SORBS3: variants seen among roughly 807,000 people sequenced by gnomAD.
SORBS3 encodes vinexin.
A neutral mutation model predicts 98.0 loss-of-function variants in SORBS3; 69 were observed. The observed-to-expected ratio is 0.70, with a 90% CI of 0.58 to 0.86. The LOEUF is 0.86. Among genes scored for constraint, SORBS3 ranks in the 40% least tolerant of loss-of-function variants. The probability of loss-of-function intolerance (pLI) is 0.00; values close to 1 mark genes in which losing one functional copy is unlikely to be tolerated. For missense variants in SORBS3, 954 were observed against 908.5 expected, an observed-to-expected ratio of 1.05 and a Z score of -0.64; for synonymous variants, 394 against 355.4, an observed-to-expected ratio of 1.11 and a Z score of -1.22.
chr8:22,554,514 GC>G lies in SORBS3; in HGVS notation c.11del (p.Pro4HisfsTer23), dbSNP rs774264751. On this transcript the variant is annotated frameshift_variant, in exon 2 of 21. Transcript: ENST00000240123. LOFTEE classifies it high-confidence loss of function. This position sits in a 1 kb window ranked among gnomAD's most constrained non-coding sequence, Gnocchi z 6.5. The stretch of plus-strand genomic sequence containing the variant: ...TCCCACCTTGACCCAAGCATGCAGG[GC>G]CCACCCCGCAGCCTCCGCGCTGGGC... MQ[G>X]PPRSLRAGLS... 33 of 1,611,502 alleles carry G rather than the reference GC, an allele frequency of 2.0e-5. No homozygotes were observed. The highest frequency in any genetic ancestry group is 2.8e-5 in the Non-Finnish European group (33 of 1,179,746).
At chr8:22,565,544 A>C (rs1019417444) in intron 11 of SORBS3, 190 bp downstream of exon 11, 1 of 571,706 alleles carries the variant, frequency 1.7e-6, no homozygotes, top group Non-Finnish European at 2.6e-6. Context: ...CAGGGCGTCG[A>C]CTTTCGCAAG....
At chr8:22,571,298 T>C in intron 18 of SORBS3, 77 bp downstream of exon 18, 1 of 822,290 alleles carries the variant, frequency 1.2e-6, no homozygotes, top group Non-Finnish European at 1.9e-6. Context: ...TTGTCCACAC[T>C]TGGGACTCCT....
upstream of SORBS3, among the ~76,000 whole-genome samples, chr8:22,551,101 C>A (rs1220942716): frequency 6.6e-6 from 1 of 152,204 alleles, no homozygotes. The surrounding 1 kb of genome is among the most constrained non-coding windows in gnomAD (Gnocchi z 5.8). Context: ...TCTGGGAACA[C>A]CAAGACCCTC....
chr8:22,548,900 A>T (rs1180508698), upstream of SORBS3, among the ~76,000 whole-genome samples: 1 of 152,060 alleles, frequency 6.6e-6, no homozygotes, highest in Non-Finnish European at 1.5e-5. Context: ...TTTCAGAGTG[A>T]CCCGCATTCC....
chr8:22,554,663 G>T lies in SORBS3; in HGVS notation c.102+55G>T. 3 of 1,540,666 alleles carry T rather than the reference G, an allele frequency of 1.9e-6. No homozygotes were observed. Among genetic ancestry groups the T allele is most frequent in the South Asian group, 1.2e-5 (1 of 83,442 alleles). On this transcript the variant is annotated intron_variant, in intron 2 of 20. Coordinates refer to ENST00000240123, the MANE Select transcript of SORBS3 (RefSeq NM_005775.5). The surrounding 1 kb of genome is among the most constrained non-coding windows in gnomAD (Gnocchi z 6.5). ...CTGCGGGCCCGGAGTTGGTTGGGAC[G>T]CTAGCAGGTCAGGTGGGGGCAGGAG... is the stretch of plus-strand genomic sequence containing the variant.
rs376710466 is a variant in SORBS3, at chr8:22,572,454, G to A, written c.1954+8G>A. ...ACGATGGCTGGTTTGTGGGTATGTGGGCAGGCCGGGAGGGGGCATCTCAGG... is the reference window on the plus strand; with the variant it reads ...ACGATGGCTGGTTTGTGGGTATGTGAGCAGGCCGGGAGGGGGCATCTCAGG... On this transcript the variant is annotated splice_region_variant and intron_variant, in intron 20 of 20. Coordinates refer to ENST00000240123, the MANE Select transcript of SORBS3 (RefSeq NM_005775.5). The A allele has an allele frequency of 5.6e-6, 9 of 1,608,938 alleles. No individual in the cohort carries two copies. The highest frequency in any genetic ancestry group is 7.7e-6 in the Non-Finnish European group (9 of 1,175,868).
chr8:22,573,238 G>C, intron 20 of SORBS3: 1 of 438,498 alleles, frequency 2.3e-6, no homozygotes. Context: ...CCTTCTAGTG[G>C]GGGAGGGAGG....
chr8:22,568,829 T>A (rs1481022207), intron 16 of SORBS3, among the ~76,000 whole-genome samples: 1 of 152,200 alleles, frequency 6.6e-6, no homozygotes, highest in East Asian at 1.9e-4. Flanking sequence ...ACGCCTCATT[T>A]TCTTCTGTGG....
intron 20 of SORBS3, among the ~76,000 whole-genome samples, chr8:22,573,853 C>G (rs73549903): frequency 1.3e-5 from 2 of 152,182 alleles, no homozygotes; most frequent in African/African-American, 2.4e-5. Flanking sequence ...CTATATTTCT[C>G]CATTCCCTCT....
chr8:22,564,933 C>A lies in SORBS3; in HGVS notation c.817-335C>A, dbSNP rs1840373681. ...CTGGATGGGCACAGTGAAGCCAGGC[C>A]TTGGAGGGCGGGAGAAGATGGGAGA... is the stretch of plus-strand genomic sequence containing the variant. On this transcript the variant is annotated intron_variant, in intron 10 of 20. Coordinates refer to ENST00000240123, the MANE Select transcript of SORBS3 (RefSeq NM_005775.5). 16 of 1,301,168 alleles carry A rather than the reference C, an allele frequency of 1.2e-5. 1 individual carries two copies. In the South Asian group the frequency reaches 2.7e-4, roughly 22 times the overall value. 80.6% of individuals were successfully genotyped at this position (1,301,168 alleles called of 1,614,324 possible).
At chr8:22,551,672 C>A, upstream of SORBS3, 1 of 947,738 alleles carries the variant, frequency 1.1e-6, no homozygotes, top group Non-Finnish European at 1.3e-6. This position sits in a 1 kb window ranked among gnomAD's most constrained non-coding sequence, Gnocchi z 5.8. Flanking sequence ...CAGGCCTCCT[C>A]GGCAGGGGGC....
chr8:22,567,848 C>CTTTTT (rs35668704), intron 16 of SORBS3, among the ~76,000 whole-genome samples: 1 of 142,550 alleles, frequency 7.0e-6, no homozygotes, highest in Non-Finnish European at 1.5e-5. Context: ...TCTTCTCTTT[C>CTTTTT]TTTTTTTTTT....
At chr8:22,560,237 A>G (rs939560418) in intron 5 of SORBS3, among the ~76,000 whole-genome samples, 11 of 152,094 alleles carry the variant, frequency 7.2e-5, no homozygotes, top group African/African-American at 2.4e-4. Context: ...GCTATTTGGC[A>G]GGCTGAGGAG....
At chr8:22,561,964 G>A (rs927315738) in intron 7 of SORBS3, 33 bp downstream of exon 7, 1 of 1,605,250 alleles carries the variant, frequency 6.2e-7, no homozygotes, top group Admixed American at 1.7e-5. Context: ...GAGGGCTGCG[G>A]AGGGGCGCGG....
intron 16 of SORBS3, among the ~76,000 whole-genome samples, chr8:22,567,522 C>G (rs1840457558): frequency 6.6e-6 from 1 of 152,200 alleles, no homozygotes; most frequent in African/African-American, 2.4e-5. Flanking sequence ...GTTTATAAAT[C>G]ACGTATACAC....
intron 18 of SORBS3, 64 bp from the exon 19 acceptor site, chr8:22,571,654 T>C (rs757434126): frequency 3.1e-6 from 4 of 1,308,588 alleles, no homozygotes; most frequent in Non-Finnish European, 4.4e-6. Flanking sequence ...GCCTCCTCCC[T>C]CAGGCTTACA....
Position 22,554,807 on chromosome 8 carries a change from T to TGCCAACCAA in SORBS3, c.103-56_103-55insGCCAACCAA. On this transcript the variant is annotated intron_variant, in intron 2 of 20. Coordinates refer to ENST00000240123, the MANE Select transcript of SORBS3 (RefSeq NM_005775.5). This position sits in a 1 kb window ranked among gnomAD's most constrained non-coding sequence, Gnocchi z 6.5. ...GGGTGTGGGCTGTGCCTAGTAGCCA[T>TGCCAACCAA]CCCTCCCTCCCGCCCTGCTGGGCCC... 2.8e-6 allele frequency: 4 copies of TGCCAACCAA among 1,428,600 alleles called. No individual in the cohort carries two copies. Among genetic ancestry groups the TGCCAACCAA allele is most frequent in the Non-Finnish European group, 3.9e-6 (4 of 1,020,746 alleles). The allele number at this position is 1,428,600 out of a possible 1,614,324, so 88.5% of individuals were successfully genotyped here.
chr8:22,567,068 A>T lies in SORBS3; in HGVS notation c.1198A>T (p.Thr400Ser), dbSNP rs763622530. ...DFQAQSPKEL[T>S]LQKGDIVYIH... ...CCTCGTCCCCACCTGCAGGGAGCTGACTCTGCAGAAGGGTGACATTGTCTA... is the reference window on the plus strand; with the variant it reads ...CCTCGTCCCCACCTGCAGGGAGCTGTCTCTGCAGAAGGGTGACATTGTCTA... Residue 400 changes from threonine (T) to serine (S), a missense_variant, in exon 16 of 21, where the codon ACT becomes TCT. Coordinates refer to ENST00000240123, the MANE Select transcript of SORBS3 (RefSeq NM_005775.5). The T allele has an allele frequency of 1.2e-6, 2 of 1,612,068 alleles. No individual in the cohort carries two copies. The highest frequency in any genetic ancestry group is 3.3e-5 in the Admixed American group (2 of 60,000).
chr8:22,549,389 G>T (rs920856481), upstream of SORBS3, among the ~76,000 whole-genome samples: 5 of 152,212 alleles, frequency 3.3e-5, no homozygotes, highest in African/African-American at 4.8e-5. Context: ...GGCAGCAAGG[G>T]GAGCTGACGC....
Sources: gnomAD v4.1 joint callset for allele counts (sites outside exome capture counted in the v4.1 genomes callset) on GRCh38, gnomAD v4.1.1 for gene constraint, Gnocchi (gnomAD v3.1) non-coding constraint, MANE v1.5 for transcripts, NCBI Gene and HGNC (gene_info 2026-07-23, HGNC 2026-07-21) for gene names.